The following ASAP1 variants were observed in gnomAD, a reference collection of about 807,000 sequenced individuals.
ASAP1 encodes the protein arf-GAP with SH3 domain, ANK repeat and PH domain-containing protein 1.
A neutral mutation model predicts 145.2 loss-of-function variants in ASAP1; 43 were observed. The ratio of observed to expected loss-of-function variants is 0.30; its 90% confidence interval spans 0.23 to 0.38. The LOEUF is 0.38. Among genes scored for constraint, ASAP1 ranks in the 10% least tolerant of loss-of-function variants. The pLI is 1.00. For synonymous variants in ASAP1, 546 were observed against 515.5 expected, an observed-to-expected ratio of 1.06 and a Z score of -0.80; for missense variants, 1,018 against 1,355.3, an observed-to-expected ratio of 0.75 and a Z score of 3.91.
At chr8:130,150,418 T>A (rs945830849) in intron 13 of ASAP1, among the ~76,000 whole-genome samples, 3 of 152,214 alleles carry the variant, frequency 2.0e-5, no homozygotes, top group African/African-American at 7.2e-5. Context: ...CTATATGATC[T>A]CCCATCACTC....
At chr8:130,262,332 T>A (rs1437219108) in intron 3 of ASAP1, among the ~76,000 whole-genome samples, 1 of 135,154 alleles carries the variant, frequency 7.4e-6, no homozygotes, top group Non-Finnish European at 1.5e-5. Context: ...GGGATGGAGG[T>A]TGCAGTGAGC....
intron 12 of ASAP1, among the ~76,000 whole-genome samples, chr8:130,154,774 C>G (rs888669797): frequency 6.6e-6 from 1 of 152,176 alleles, no homozygotes; most frequent in African/African-American, 2.4e-5. Context: ...ACCATCTAAC[C>G]AAATGCAAAT....
At chr8:130,209,026 T>C (rs1417567985) in intron 5 of ASAP1, among the ~76,000 whole-genome samples, 1 of 152,184 alleles carries the variant, frequency 6.6e-6, no homozygotes, top group African/African-American at 2.4e-5. Flanking sequence ...GAAATTGCAA[T>C]TCCCCTGTAG....
rs552269444 is a variant in ASAP1, at chr8:130,300,063, A to C, written c.186+57954T>G. Among the ~76,000 whole-genome samples, 13 of 150,894 alleles carry C rather than the reference A, an allele frequency of 8.6e-5. No homozygotes were observed. The South Asian group carries it at 2.7e-3, about 32-fold the overall frequency. ...CCAAAACAAAAGACGAAAAACAAAC[A>C]AGCTATTAACACATACAGTTTCTTG... On this transcript the variant is annotated intron_variant, in intron 3 of 29. Transcript: ENST00000518721.
intron 1 of ASAP1, among the ~76,000 whole-genome samples, chr8:130,407,338 C>A (rs1829076810): frequency 6.6e-6 from 1 of 152,174 alleles, no homozygotes; most frequent in South Asian, 2.1e-4. Flanking sequence ...TTACCTGCCA[C>A]CTTCCATCCC....
Position 130,193,327 on chromosome 8 carries a change from C to T in ASAP1, c.406-5144G>A, listed in dbSNP as rs368704952. Among the ~76,000 whole-genome samples the T allele has an allele frequency of 1.3e-4, 20 of 151,946 alleles. No homozygotes were observed. In the East Asian group the frequency reaches 3.1e-3, roughly 24 times the overall value. On this transcript the variant is annotated intron_variant, in intron 5 of 29. Coordinates refer to ENST00000518721, the MANE Select transcript of ASAP1 (RefSeq NM_018482.4). Reference sequence around the variant, plus strand: ...GAGGTTGCAGTGAGCCAAGATTGTGCCACTGCACTCCAGCCTGGGTGACAG... The same window carrying T: ...GAGGTTGCAGTGAGCCAAGATTGTGTCACTGCACTCCAGCCTGGGTGACAG...
At chr8:130,253,770 A>G (rs1819347647) in intron 3 of ASAP1, among the ~76,000 whole-genome samples, 1 of 152,202 alleles carries the variant, frequency 6.6e-6, no homozygotes, top group African/African-American at 2.4e-5. Flanking sequence ...CTATTAAGGA[A>G]GTTAAGATTT....
At chr8:130,127,367 C>T (rs753398909) in intron 16 of ASAP1, among the ~76,000 whole-genome samples, 1 of 152,116 alleles carries the variant, frequency 6.6e-6, no homozygotes, top group Non-Finnish European at 1.5e-5. Flanking sequence ...CAGGTGCCCG[C>T]CACCTCGCCC....
intron 2 of ASAP1, among the ~76,000 whole-genome samples, chr8:130,384,969 C>T (rs987576975): frequency 4.6e-5 from 7 of 152,174 alleles, no homozygotes; most frequent in African/African-American, 1.4e-4. Context: ...CAGTGTCCCA[C>T]GTACATACAC....
intron 4 of ASAP1, among the ~76,000 whole-genome samples, chr8:130,227,907 C>A (rs931811256): frequency 6.6e-6 from 1 of 152,134 alleles, no homozygotes; most frequent in Non-Finnish European, 1.5e-5. Context: ...GACAAAGCTT[C>A]TTGCCCTTTC....
rs1275705611 is a variant in ASAP1, at chr8:130,112,382, G to C, written c.2173-60C>G. 7 of 1,487,404 alleles carry C rather than the reference G, an allele frequency of 4.7e-6. No individual in the cohort carries two copies. In the Admixed American group the frequency reaches 1.2e-4, roughly 24 times the overall value. The allele number at this position is 1,487,404 out of a possible 1,614,324, so 92.1% of individuals were successfully genotyped here. The stretch of plus-strand genomic sequence containing the variant: ...AAGGACCACCCTTCATGTGTACAGA[G>C]GGCCTCCGCAGGGCGGGCTCAGGTG... On this transcript the variant is annotated intron_variant, in intron 23 of 29. Transcript: ENST00000518721.
At chr8:130,378,164 C>T (rs1438593414) in intron 2 of ASAP1, among the ~76,000 whole-genome samples, 1 of 152,154 alleles carries the variant, frequency 6.6e-6, no homozygotes, top group African/African-American at 2.4e-5. Flanking sequence ...TTGAAATATG[C>T]GGTTAATAGT....
At chr8:130,339,883 C>T (rs954055669) in intron 3 of ASAP1, among the ~76,000 whole-genome samples, 4 of 152,114 alleles carry the variant, frequency 2.6e-5, no homozygotes, top group African/African-American at 9.7e-5. Flanking sequence ...CCTGAAATTC[C>T]TCCCCTTTCC....
At position 130,136,936 on chromosome 8, in the gene ASAP1, A is replaced by G. The variant is rs765915831; in HGVS notation, c.1168+15T>C. ...AAGCCACAATAACCAACTCAGAGAG[A>G]GAAAAAGGACTCACGTGATATCAGG... On this transcript the variant is annotated intron_variant, in intron 14 of 29. Transcript: ENST00000518721. 3 of 1,610,732 alleles carry G rather than the reference A, an allele frequency of 1.9e-6. No individual in the cohort carries two copies. Among genetic ancestry groups the G allele is most frequent in the South Asian group, 1.1e-5 (1 of 91,014 alleles).
At chr8:130,378,499 A>G (rs1469690744) in intron 2 of ASAP1, among the ~76,000 whole-genome samples, 1 of 152,214 alleles carries the variant, frequency 6.6e-6, no homozygotes, top group Non-Finnish European at 1.5e-5. Flanking sequence ...ACACGCACAT[A>G]GATGTGGAGT....
intron 5 of ASAP1, among the ~76,000 whole-genome samples, chr8:130,201,747 G>GT (rs1408198586): frequency 6.6e-6 from 1 of 152,196 alleles, no homozygotes; most frequent in East Asian, 1.9e-4. Flanking sequence ...ATGATAATCA[G>GT]TTAGTTCATG....
chr8:130,070,524 G>A (rs1332615590), intron 27 of ASAP1, among the ~76,000 whole-genome samples: 1 of 152,072 alleles, frequency 6.6e-6, no homozygotes, highest in Non-Finnish European at 1.5e-5. Context: ...CTCTCCACTT[G>A]ATAACCCCCT....
intron 24 of ASAP1, among the ~76,000 whole-genome samples, chr8:130,104,400 G>C (rs999106522): frequency 1.3e-5 from 2 of 152,186 alleles, no homozygotes; most frequent in Non-Finnish European, 2.9e-5. Flanking sequence ...TTCCTTATTT[G>C]AAGGTGTTTT....
intron 3 of ASAP1, among the ~76,000 whole-genome samples, chr8:130,255,499 A>G (rs1432607407): frequency 1.3e-5 from 2 of 152,176 alleles, no homozygotes; most frequent in Non-Finnish European, 2.9e-5. Context: ...CAGCAGTTGC[A>G]TAGCATTGTA....
Sources: gnomAD v4.1 joint callset for allele counts (sites outside exome capture counted in the v4.1 genomes callset) on GRCh38, gnomAD v4.1.1 for gene constraint, MANE v1.5 for transcripts, NCBI Gene and HGNC (gene_info 2026-07-23, HGNC 2026-07-21) for gene names.